LDB2: variants seen among roughly 807,000 people sequenced by gnomAD.
LDB2 encodes LIM domain binding 2.
In LDB2, 12 loss-of-function variants were observed where a neutral mutation model predicts 44.3. The ratio of observed to expected loss-of-function variants is 0.27; its 90% CI spans 0.17 to 0.44. The LOEUF (loss-of-function observed/expected upper bound fraction) is 0.44. Ranked by LOEUF, LDB2 falls within the 20% of genes least tolerant of loss-of-function variation. The pLI, the probability that LDB2 is intolerant of heterozygous loss-of-function variation, is 1.00. For missense variants in LDB2, 344 were observed against 473.5 expected (o/e 0.73, Z 2.54); for synonymous variants, 164 against 174.8 (o/e 0.94, Z 0.49).
chr4:16,598,223 T>C (rs1178910123), intron 2 of LDB2, among the ~76,000 whole-genome samples: 2 of 152,196 alleles, frequency 1.3e-5, no homozygotes, highest in Admixed American at 1.3e-4. Flanking sequence ...TGTATCAGTT[T>C]TGGGCTACGC....
intron 1 of LDB2, among the ~76,000 whole-genome samples, chr4:16,765,765 CT>C (rs1164721475): frequency 2.0e-5 from 3 of 152,260 alleles, no homozygotes; most frequent in Non-Finnish European, 4.4e-5. Context: ...AGTCTTCTCT[CT>C]GTCACATCAC....
intron 1 of LDB2, among the ~76,000 whole-genome samples, chr4:16,848,807 C>T (rs980156765): frequency 1.2e-4 from 19 of 152,128 alleles, no homozygotes; most frequent in African/African-American, 4.1e-4. Context: ...ATCCACTTTT[C>T]CCCATCCCCA....
intron 6 of LDB2, among the ~76,000 whole-genome samples, chr4:16,511,482 C>T (rs1289435172): frequency 6.6e-6 from 1 of 152,116 alleles, no homozygotes; most frequent in Non-Finnish European, 1.5e-5. Flanking sequence ...TTCCTTCATC[C>T]TTTCCTCCTT....
At chr4:16,699,827 G>C (rs1336113833) in intron 2 of LDB2, among the ~76,000 whole-genome samples, 2 of 152,126 alleles carry the variant, frequency 1.3e-5, no homozygotes, top group East Asian at 3.9e-4. Context: ...AGAGGGACGA[G>C]AATTCCCATA....
intron 2 of LDB2, among the ~76,000 whole-genome samples, chr4:16,727,061 G>A (rs577789561): frequency 6.6e-6 from 1 of 152,298 alleles, no homozygotes; most frequent in South Asian, 2.1e-4. Flanking sequence ...TAACTGCACG[G>A]ATTAAGAAAT....
At chr4:16,745,593 A>C (rs894491943) in intron 2 of LDB2, among the ~76,000 whole-genome samples, 1 of 152,320 alleles carries the variant, frequency 6.6e-6, no homozygotes, top group African/African-American at 2.4e-5. Flanking sequence ...GATTCCCTGA[A>C]AACACAGAGA....
chr4:16,785,088 G>A (rs1332192661), intron 1 of LDB2, among the ~76,000 whole-genome samples: 1 of 151,840 alleles, frequency 6.6e-6, no homozygotes, highest in Non-Finnish European at 1.5e-5. Context: ...ATATAGGTAT[G>A]TGTGTATGTA....
chr4:16,521,631 C>A (rs1726122094), intron 5 of LDB2, among the ~76,000 whole-genome samples: 1 of 152,210 alleles, frequency 6.6e-6, no homozygotes, highest in African/African-American at 2.4e-5. Context: ...GTTCAGGTAG[C>A]CTTTTCAGCA....
chr4:16,586,527 A>C (rs996020018), intron 4 of LDB2, among the ~76,000 whole-genome samples: 2 of 67,204 alleles, frequency 3.0e-5, no homozygotes, highest in Non-Finnish European at 3.6e-5. Context: ...CACACACACA[A>C]AACACACACA....
chr4:16,607,530 AGCT>A (rs960945319), intron 2 of LDB2, among the ~76,000 whole-genome samples: 4 of 152,250 alleles, frequency 2.6e-5, no homozygotes, highest in African/African-American at 9.6e-5. Context: ...TAGTTTCTTC[AGCT>A]GCAAAATGGC....
chr4:16,705,737 T>TAC (rs1224957419), intron 2 of LDB2, among the ~76,000 whole-genome samples: 7 of 152,202 alleles, frequency 4.6e-5, no homozygotes, highest in Non-Finnish European at 2.9e-5. Context: ...TTAAACTCTG[T>TAC]AAAGTTAGGG....
chr4:16,800,228 A>C (rs757550810), intron 1 of LDB2, among the ~76,000 whole-genome samples: 4 of 152,212 alleles, frequency 2.6e-5, no homozygotes, highest in Non-Finnish European at 5.9e-5. Flanking sequence ...TATCTCCACC[A>C]TATGTTGTCT....
At chr4:16,685,440 C>A (rs1414906765) in intron 2 of LDB2, among the ~76,000 whole-genome samples, 2 of 151,952 alleles carry the variant, frequency 1.3e-5, no homozygotes, top group African/African-American at 4.8e-5. Flanking sequence ...GGAAAGCTAA[C>A]TGCTCTAGAA....
chr4:16,704,027 G>A (rs1754066761), intron 2 of LDB2, among the ~76,000 whole-genome samples: 1 of 152,052 alleles, frequency 6.6e-6, no homozygotes, highest in South Asian at 2.1e-4. Flanking sequence ...TTCCCCAACT[G>A]GGTGACCCAT....
At chr4:16,736,836 A>G (rs1394588868) in intron 2 of LDB2, among the ~76,000 whole-genome samples, 2 of 152,210 alleles carry the variant, frequency 1.3e-5, no homozygotes, top group African/African-American at 2.4e-5. Flanking sequence ...TTTAATACCA[A>G]ACATTTAAAT....
chr4:16,712,335 C>T (rs1233375871), intron 2 of LDB2, among the ~76,000 whole-genome samples: 6 of 152,048 alleles, frequency 3.9e-5, no homozygotes, highest in East Asian at 3.9e-4. Flanking sequence ...GGGTGGATCA[C>T]GAGGTCAGGA....
intron 1 of LDB2, among the ~76,000 whole-genome samples, chr4:16,771,542 C>T (rs1561176434): frequency 6.6e-6 from 1 of 152,140 alleles, no homozygotes; most frequent in Non-Finnish European, 1.5e-5. Flanking sequence ...AGATATCTCC[C>T]CCAACTCCAT....
intron 5 of LDB2, among the ~76,000 whole-genome samples, chr4:16,557,489 C>T (rs186580868): frequency 1.4e-4 from 21 of 152,280 alleles, no homozygotes; most frequent in East Asian, 7.7e-4. Context: ...AACTGCAAGG[C>T]GGCGGCAGCG....
At chr4:16,714,145 C>G (rs1337965542) in intron 2 of LDB2, among the ~76,000 whole-genome samples, 1 of 152,156 alleles carries the variant, frequency 6.6e-6, no homozygotes, top group Non-Finnish European at 1.5e-5. Flanking sequence ...AATAGCAGTT[C>G]CATGCTAAGA....
Sources: allele counts gnomAD v4.1 joint callset (sites outside exome capture counted in the v4.1 genomes callset), GRCh38; gene constraint gnomAD v4.1.1; transcripts MANE v1.5; gene names NCBI Gene and HGNC (gene_info 2026-07-23, HGNC 2026-07-21).